PTPN2: variants seen among roughly 807,000 people sequenced by gnomAD.
PTPN2 encodes the protein protein tyrosine phosphatase non-receptor type 2.
A neutral mutation model predicts 57.3 loss-of-function variants in PTPN2; 19 were observed. The ratio of observed to expected loss-of-function variants is 0.33; its 90% CI spans 0.23 to 0.49. The LOEUF (loss-of-function observed/expected upper bound fraction) is 0.49, where lower values mean the gene tolerates loss of function less well. Among genes scored for constraint, PTPN2 ranks in the 20% least tolerant of loss-of-function variants. The pLI is 0.99. For synonymous variants in PTPN2, 153 were observed against 164.9 expected, an observed-to-expected ratio of 0.93 and a Z score of 0.55; for missense variants, 358 against 501.1, an observed-to-expected ratio of 0.71 and a Z score of 2.73.
At chr18:12,837,821 TA>T (rs1489805176) in intron 2 of PTPN2, among the ~76,000 whole-genome samples, 1 of 152,182 alleles carries the variant, frequency 6.6e-6, no homozygotes, top group East Asian at 1.9e-4. Context: ...AAAGAAAATG[TA>T]AAATGGCTTT....
intron 1 of PTPN2, among the ~76,000 whole-genome samples, chr18:12,881,532 C>T (rs1598908124): frequency 6.6e-6 from 1 of 152,188 alleles, no homozygotes; most frequent in Non-Finnish European, 1.5e-5. Context: ...CTGATCTAGG[C>T]TCTGCCTTAC....
chr18:12,803,472 A>C (rs1304585142), intron 7 of PTPN2, among the ~76,000 whole-genome samples: 1 of 152,180 alleles, frequency 6.6e-6, no homozygotes, highest in African/African-American at 2.4e-5. Flanking sequence ...ACAAAAAACA[A>C]AATCCAACTC....
intron 1 of PTPN2, among the ~76,000 whole-genome samples, chr18:12,870,288 TAC>T (rs67828768): frequency 0.072 from 4,928 of 68,062 alleles, 575 homozygotes; most frequent in South Asian, 0.14. Context: ...TATATACATA[TAC>T]ATATATATGT....
At chr18:12,881,006 T>C (rs554601024) in intron 1 of PTPN2, among the ~76,000 whole-genome samples, 1 of 152,290 alleles carries the variant, frequency 6.6e-6, no homozygotes, top group East Asian at 1.9e-4. Context: ...GTATCTCCCC[T>C]CCATCCCTCC....
At chr18:12,848,469 G>C (rs191768265) in intron 2 of PTPN2, among the ~76,000 whole-genome samples, 2 of 152,212 alleles carry the variant, frequency 1.3e-5, no homozygotes, top group African/African-American at 4.8e-5. Context: ...GAATGTTGTG[G>C]AAGTTGTATG....
At chr18:12,878,069 G>A (rs2044550552) in intron 1 of PTPN2, among the ~76,000 whole-genome samples, 1 of 152,032 alleles carries the variant, frequency 6.6e-6, no homozygotes, top group Admixed American at 6.6e-5. Context: ...AGGCACAGTG[G>A]CTCATGCTTG....
In PTPN2 at chr18:12,829,504, C is replaced by CA. The variant is rs541731696; in HGVS notation, c.360+1438dup. 2.7e-3 allele frequency among the ~76,000 whole-genome samples: 244 copies of CA among 89,076 alleles called. 1 individual carries two copies. Among genetic ancestry groups the CA allele is most frequent in the African/African-American group, 6.6e-3 (152 of 22,862 alleles). The allele number at this position is 89,076 out of a possible 152,430, so 58.4% of individuals were successfully genotyped here. A position where few individuals can be genotyped will look rare whatever the true frequency, so the allele number is the denominator to read the frequency against. ...TGGGCAACAGGCGAGACTCTGTCTCCAAAAAAAAAAAAAAAAAAAGAGGAC... is the reference window on the plus strand; with the variant it reads ...TGGGCAACAGGCGAGACTCTGTCTCCAAAAAAAAAAAAAAAAAAAAGAGGAC... On this transcript the variant is annotated intron_variant, in intron 4 of 8. Coordinates refer to ENST00000309660, the MANE Select transcript of PTPN2 (RefSeq NM_002828.4).
At chr18:12,883,999 A>G (rs968951716) in intron 1 of PTPN2, 74 bp downstream of exon 1, 1 of 1,321,172 alleles carries the variant, frequency 7.6e-7, no homozygotes, top group Non-Finnish European at 1.0e-6. Flanking sequence ...GGGAGGCGGG[A>G]GGGACCCTGC....
Position 12,831,464 on chromosome 18 carries a change from G to A in PTPN2, c.262-423C>T, listed in dbSNP as rs2042667292. The stretch of plus-strand genomic sequence containing the variant: ...ATATGAAGGTGGCTATAGTATTCAT[G>A]TACAATCTATAGGCAAATCAGAGAC... On this transcript the variant is annotated intron_variant, in intron 3 of 8. Coordinates refer to ENST00000309660, the MANE Select transcript of PTPN2 (RefSeq NM_002828.4). 3.9e-5 allele frequency among the ~76,000 whole-genome samples: 6 copies of A among 152,292 alleles called. No individual in the cohort carries two copies. The South Asian group carries it at 1.2e-3, about 32-fold the overall frequency.
intron 1 of PTPN2, among the ~76,000 whole-genome samples, chr18:12,879,494 T>G (rs2044599577): frequency 6.6e-6 from 1 of 152,226 alleles, no homozygotes; most frequent in Non-Finnish European, 1.5e-5. Flanking sequence ...CAGCACATAT[T>G]TTCAAGTGCT....
intron 8 of PTPN2, among the ~76,000 whole-genome samples, chr18:12,796,627 T>C (rs980273495): frequency 6.6e-6 from 1 of 152,196 alleles, no homozygotes; most frequent in South Asian, 2.1e-4. Flanking sequence ...ATTCCACTCC[T>C]AGATATGTAC....
chr18:12,817,089 C>A (rs2042102827), intron 6 of PTPN2, 67 bp downstream of exon 6: 5 of 1,423,768 alleles, frequency 3.5e-6, no homozygotes, highest in Non-Finnish European at 4.9e-6. Flanking sequence ...AGTTTATTCA[C>A]TGCCAGTGGA....
rs1350446754 is a variant in PTPN2 at position 12,868,252 on chromosome 18, G to GT, written c.70-8999dup. On this transcript the variant is annotated intron_variant, in intron 1 of 8. Transcript: ENST00000309660. Reference sequence around the variant, plus strand: ...TCATAGTTGTTGTTTTTTGTTTTTTGTTTTTTTTTGAGATTGAGTCTCACT... The same window carrying GT: ...TCATAGTTGTTGTTTTTTGTTTTTTGTTTTTTTTTTGAGATTGAGTCTCACT... Among the ~76,000 whole-genome samples the GT allele has an allele frequency of 1.5e-3, 222 of 149,998 alleles. 1 individual carries two copies. Among genetic ancestry groups the GT allele is most frequent in the African/African-American group, 4.2e-3 (172 of 40,674 alleles).
At chr18:12,857,694 A>G (rs1404402141) in intron 2 of PTPN2, among the ~76,000 whole-genome samples, 2 of 152,146 alleles carry the variant, frequency 1.3e-5, no homozygotes, top group Non-Finnish European at 2.9e-5. Flanking sequence ...CACACCCGCT[A>G]TTCCCTGAAC....
intron 5 of PTPN2, among the ~76,000 whole-genome samples, chr18:12,818,295 A>C (rs1247256866): frequency 1.3e-5 from 2 of 152,172 alleles, no homozygotes; most frequent in African/African-American, 4.8e-5. Context: ...GCAACTCAAG[A>C]ATTAATCTAA....
intron 2 of PTPN2, among the ~76,000 whole-genome samples, chr18:12,856,909 A>C (rs2847273): frequency 0.33 from 50,502 of 151,192 alleles, 9,344 homozygotes; most frequent in Admixed American, 0.42. Flanking sequence ...AAAATACAAA[A>C]ATAAGCCGGG....
At position 12,793,469 on chromosome 18, in the gene PTPN2, ACC is replaced by A; in HGVS notation, c.*807_*808del. ...AAACCAATTTCTTTACAAAGTCTTG[ACC>A]AACTGTTTACCTGACTATCCCAGTA... On this transcript the variant is annotated 3_prime_UTR_variant, in exon 9 of 9. Transcript: ENST00000309660. The A allele has an allele frequency of 1.0e-6, 1 of 977,152 alleles. No homozygotes were observed. The highest frequency in any genetic ancestry group is 1.2e-6 in the Non-Finnish European group (1 of 821,876). 60.5% of individuals were successfully genotyped at this position (977,152 alleles called of 1,614,324 possible).
At chr18:12,839,327 C>G (rs1233809669) in intron 2 of PTPN2, among the ~76,000 whole-genome samples, 2 of 152,118 alleles carry the variant, frequency 1.3e-5, no homozygotes, top group Non-Finnish European at 2.9e-5. Flanking sequence ...TCAGTCAGCC[C>G]CAAATCTGTA....
chr18:12,824,284 T>C (rs2042371429), intron 5 of PTPN2, among the ~76,000 whole-genome samples: 1 of 152,174 alleles, frequency 6.6e-6, no homozygotes, highest in Non-Finnish European at 1.5e-5. Context: ...TATAATAAGC[T>C]TAGTACGGAT....
Sources: allele counts gnomAD v4.1 joint callset (sites outside exome capture counted in the v4.1 genomes callset), GRCh38; gene constraint gnomAD v4.1.1; transcripts MANE v1.5; gene names NCBI Gene and HGNC (gene_info 2026-07-23, HGNC 2026-07-21).